GRHL2: variants seen among roughly 807,000 people sequenced by gnomAD.
The protein encoded by GRHL2 is grainyhead like transcription factor 2, also known as grainyhead-like protein 2 homolog.
In GRHL2, 21 loss-of-function variants were observed where a neutral mutation model predicts 83.8. That is an observed-to-expected ratio of 0.25 (90% confidence interval 0.18 to 0.36). The LOEUF is 0.36. GRHL2 is among the 10% of genes least tolerant of loss of function. The pLI is 1.00. For missense variants in GRHL2, 623 were observed against 781.8 expected, an observed-to-expected ratio of 0.80 and a Z score of 2.42; for synonymous variants, 280 against 278.9, an observed-to-expected ratio of 1.00 and a Z score of -0.04.
chr8:101,595,204 T>TGATA (rs1299023818), intron 7 of GRHL2, among the ~76,000 whole-genome samples: 3 of 152,226 alleles, frequency 2.0e-5, no homozygotes, highest in Non-Finnish European at 2.9e-5. Context: ...TAAGTGAAGG[T>TGATA]GATAGAAACT....
At chr8:101,523,182 G>A (rs1810726992) in intron 1 of GRHL2, among the ~76,000 whole-genome samples, 1 of 151,894 alleles carries the variant, frequency 6.6e-6, no homozygotes, top group South Asian at 2.1e-4. Context: ...AAAGTGCTGG[G>A]ATTACAGACT....
At chr8:101,565,408 A>G (rs1205121180) in intron 4 of GRHL2, among the ~76,000 whole-genome samples, 1 of 152,230 alleles carries the variant, frequency 6.6e-6, no homozygotes, top group Non-Finnish European at 1.5e-5. Context: ...CTGGTTTAGG[A>G]ACAAAGCAAC....
chr8:101,553,792 T>C (rs1259043735), intron 3 of GRHL2, among the ~76,000 whole-genome samples: 8 of 151,962 alleles, frequency 5.3e-5, no homozygotes, highest in African/African-American at 1.9e-4. Flanking sequence ...CATGCCAGGC[T>C]AATTTTTTGT....
the GRHL2 span, among the ~76,000 whole-genome samples, chr8:101,677,000 G>A: frequency 6.6e-6 from 1 of 151,470 alleles, no homozygotes; most frequent in Non-Finnish European, 1.5e-5. Flanking sequence ...TCATAGGTGG[G>A]AATTGAACAA....
At chr8:101,528,519 A>G (rs1229180003) in intron 1 of GRHL2, among the ~76,000 whole-genome samples, 3 of 152,000 alleles carry the variant, frequency 2.0e-5, no homozygotes, top group Non-Finnish European at 2.9e-5. Flanking sequence ...TTGCTGCTGG[A>G]GTTCCCACAT....
chr8:101,522,721 T>TTGTACATATACATATACATATACA (rs1810711579), intron 1 of GRHL2, among the ~76,000 whole-genome samples: 1 of 149,612 alleles, frequency 6.7e-6, no homozygotes, highest in African/African-American at 2.5e-5. Context: ...ACAAGTATGT[T>TTGTACATATACATATACATATACA]TATACATATA....
chr8:101,656,869 A>AACACACACACAC (rs1329881993), intron 14 of GRHL2, among the ~76,000 whole-genome samples: 1 of 55,360 alleles, frequency 1.8e-5, no homozygotes, highest in East Asian at 6.1e-4. Context: ...TTATGTGTCT[A>AACACACACACAC]ACAGACACAC....
chr8:101,529,183 C>A (rs1810868357), intron 1 of GRHL2: 11 of 270,452 alleles, frequency 4.1e-5, no homozygotes, highest in Non-Finnish European at 7.2e-5. Flanking sequence ...ATGCCTGGAG[C>A]CAGCACTTTG....
chr8:101,568,114 A>G (rs913557677), intron 4 of GRHL2, among the ~76,000 whole-genome samples: 1 of 152,192 alleles, frequency 6.6e-6, no homozygotes, highest in Admixed American at 6.5e-5. Context: ...ATACTATCCA[A>G]TGTTAGTCAC....
At chr8:101,615,950 T>A (rs1461084814) in intron 8 of GRHL2, among the ~76,000 whole-genome samples, 1 of 152,182 alleles carries the variant, frequency 6.6e-6, no homozygotes, top group Admixed American at 6.5e-5. Flanking sequence ...TCTCTGTGAT[T>A]GTAGTGGGCA....
chr8:101,496,607 T>C (rs551024677), intron 1 of GRHL2, among the ~76,000 whole-genome samples: 2 of 152,214 alleles, frequency 1.3e-5, no homozygotes, highest in Admixed American at 6.5e-5. Flanking sequence ...TTGTTGACAC[T>C]AAATCAACAA....
In GRHL2 at chr8:101,635,835, C is replaced by T. The variant is rs560063564; in HGVS notation, c.1486-1062C>T. Among the ~76,000 whole-genome samples the T allele has an allele frequency of 4.6e-5, 7 of 152,208 alleles. No individual in the cohort carries two copies. In the East Asian group the frequency reaches 1.4e-3, roughly 29 times the overall value. ...AGCTAATGACTAGAATGACTCATTC[C>T]CAGAGAGTTCCAGGTAACCAGTCTT... On this transcript the variant is annotated intron_variant, in intron 11 of 15. Transcript: ENST00000646743.
intron 14 of GRHL2, among the ~76,000 whole-genome samples, chr8:101,655,999 A>G (rs946661243): frequency 1.3e-5 from 2 of 152,166 alleles, no homozygotes; most frequent in African/African-American, 4.8e-5. Flanking sequence ...TCCTTCCTCC[A>G]TATGGACAAG....
chr8:101,650,804 ATATCTATC>A (rs59979330), intron 14 of GRHL2, among the ~76,000 whole-genome samples: 12 of 145,850 alleles, frequency 8.2e-5, no homozygotes, highest in African/African-American at 1.4e-4. Flanking sequence ...GTGAATTGTG[ATATCTATC>A]TATCTATCTA....
At chr8:101,595,163 C>G (rs1812366584) in intron 7 of GRHL2, among the ~76,000 whole-genome samples, 1 of 152,176 alleles carries the variant, frequency 6.6e-6, no homozygotes, top group African/African-American at 2.4e-5. Context: ...AGAGGGCTCA[C>G]AGTAAATATT....
downstream of GRHL2, among the ~76,000 whole-genome samples, chr8:101,671,544 C>T (rs1216442292): frequency 6.6e-6 from 1 of 152,212 alleles, no homozygotes; most frequent in Non-Finnish European, 1.5e-5. Flanking sequence ...GAAGCTCGAA[C>T]TGGGTGGAGC....
intron 11 of GRHL2, among the ~76,000 whole-genome samples, chr8:101,635,268 T>G (rs1813263613): frequency 6.6e-6 from 1 of 152,168 alleles, no homozygotes; most frequent in African/African-American, 2.4e-5. Context: ...TTCTATGCAC[T>G]CTAAAGTTTG....
rs1299161941 is a variant in GRHL2 at position 101,664,457 on chromosome 8, T to G, written c.1702T>G (p.Ser568Ala). Residue 568 changes from serine (S) to alanine (A), a missense_variant, in exon 15 of 16, where the codon TCT becomes GCT. By Grantham distance (99) the Ser-to-Ala change is moderately conservative. This residue lies in a region of GRHL2 where 210 missense variants were observed against 254.8 expected (regional missense o/e 0.82). Coordinates refer to ENST00000646743, the MANE Select transcript of GRHL2 (RefSeq NM_024915.4). ...PTVKGLMEAI[S>A]EKYGLPVEKI... Reference sequence around the variant, plus strand: ...CTTCTTGTTATTGGTATTACAGATATCTGAGAAATATGGGCTGCCCGTGGA... The same window carrying G: ...CTTCTTGTTATTGGTATTACAGATAGCTGAGAAATATGGGCTGCCCGTGGA... 3 of 1,612,954 alleles carry G rather than the reference T, an allele frequency of 1.9e-6. No homozygotes were observed. In the Admixed American group the frequency reaches 5.0e-5, roughly 27 times the overall value.
At chr8:101,673,139 C>T (rs1265668253), downstream of GRHL2, among the ~76,000 whole-genome samples, 1 of 151,566 alleles carries the variant, frequency 6.6e-6, no homozygotes, top group East Asian at 1.9e-4. Context: ...GAAGAAACTG[C>T]ATCAACTAAT....
Sources: allele counts gnomAD v4.1 joint callset (sites outside exome capture counted in the v4.1 genomes callset), GRCh38; gene constraint gnomAD v4.1.1; regional missense constraint gnomAD v4.1.1; transcripts MANE v1.5; gene names NCBI Gene and HGNC (gene_info 2026-07-23, HGNC 2026-07-21).